IRAK1BP1: variants seen among roughly 807,000 people sequenced by gnomAD.
IRAK1BP1 encodes the protein interleukin-1 receptor-associated kinase 1-binding protein 1.
IRAK1BP1 carries 24 observed loss-of-function variants against 28.0 expected under a neutral mutation model. The observed-to-expected ratio is 0.86, with a 90% CI of 0.62 to 1.20. The LOEUF (loss-of-function observed/expected upper bound fraction) is 1.20, where lower values mean the gene tolerates loss of function less well. Ranked by LOEUF, IRAK1BP1 falls within the 50% of genes most tolerant of loss-of-function variation. The pLI, the probability that IRAK1BP1 is intolerant of heterozygous loss-of-function variation, is 0.00. For missense variants in IRAK1BP1, 336 were observed against 316.7 expected (o/e 1.06, Z -0.46); for synonymous variants, 131 against 116.3 (o/e 1.13, Z -0.81).
chr6:78,965,653 T>C, the IRAK1BP1 span: 1 of 1,013,968 alleles, frequency 9.9e-7, no homozygotes. Context: ...AATAATTTCT[T>C]AAGAAATTAA....
At chr6:78,952,815 C>T in the IRAK1BP1 span, among the ~76,000 whole-genome samples, 2 of 151,222 alleles carry the variant, frequency 1.3e-5, no homozygotes, top group African/African-American at 4.9e-5. Flanking sequence ...TTCATTTATT[C>T]CTTTAACCAA....
intron 4 of IRAK1BP1, among the ~76,000 whole-genome samples, chr6:78,942,513 A>C (rs539041641): frequency 2.0e-5 from 3 of 152,208 alleles, no homozygotes; most frequent in African/African-American, 7.2e-5. Flanking sequence ...ACAAAACAAC[A>C]TGGTTAAGAG....
At chr6:78,892,211 CTCTT>C (rs1375072712) in intron 2 of IRAK1BP1, among the ~76,000 whole-genome samples, 1 of 152,082 alleles carries the variant, frequency 6.6e-6, no homozygotes, top group Non-Finnish European at 1.5e-5. Flanking sequence ...ATGTAACAAA[CTCTT>C]TCTTTAGTTA....
chr6:78,930,684 C>T (rs1028220652), intron 4 of IRAK1BP1, among the ~76,000 whole-genome samples: 2 of 152,078 alleles, frequency 1.3e-5, no homozygotes, highest in African/African-American at 4.8e-5. Context: ...AATCCCAGCA[C>T]ACTTTGAGAG....
At chr6:78,957,336 G>A in the IRAK1BP1 span, 1 of 151,832 alleles carries the variant, frequency 6.6e-6, no homozygotes, top group African/African-American at 2.4e-5. Context: ...GTCTTCAGAG[G>A]ATAATGCTTA....
the IRAK1BP1 span, chr6:78,956,607 G>T: frequency 2.6e-5 from 4 of 152,036 alleles, no homozygotes; most frequent in Non-Finnish European, 5.9e-5. Flanking sequence ...CAGATTTATA[G>T]CACTGTATCT....
downstream of IRAK1BP1, among the ~76,000 whole-genome samples, chr6:78,903,470 G>A (rs147004839): frequency 8.5e-5 from 13 of 152,228 alleles, no homozygotes; most frequent in Admixed American, 3.9e-4. Flanking sequence ...CAGCTTGGGC[G>A]ACAGTGCGAG....
chr6:78,870,338 C>A (rs1770753448), intron 1 of IRAK1BP1, among the ~76,000 whole-genome samples: 1 of 151,960 alleles, frequency 6.6e-6, no homozygotes, highest in African/African-American at 2.4e-5. Context: ...TGCAACACTT[C>A]ACTCCCTATA....
chr6:78,907,821 G>A (rs1251811218), downstream of IRAK1BP1, among the ~76,000 whole-genome samples: 1 of 151,818 alleles, frequency 6.6e-6, no homozygotes, highest in African/African-American at 2.4e-5. Flanking sequence ...CCGGGTTCAA[G>A]CCATTCTTCT....
In IRAK1BP1 at chr6:78,898,310, A is replaced by G; in HGVS notation, c.759A>G (p.Lys253=). 2 of 1,579,344 alleles carry G rather than the reference A, an allele frequency of 1.3e-6. No individual in the cohort carries two copies. The highest frequency in any genetic ancestry group is 3.7e-5 in the Admixed American group (2 of 54,468). The change falls in exon 4 of 4, where the codon AAA becomes AAG. Residue 253 remains lysine (K), a synonymous_variant. Transcript: ENST00000369940. ...KVFITFEVKG[K]EKRKKHL is the part of the protein sequence containing the mutation. Reference sequence around the variant, plus strand: ...TTATAACTTTTGAGGTAAAGGGAAAAGAGAAGAGAAAAAAGCACCTTTGAA... The same window carrying G: ...TTATAACTTTTGAGGTAAAGGGAAAGGAGAAGAGAAAAAAGCACCTTTGAA...
At chr6:78,940,357 T>C (rs991406011) in intron 4 of IRAK1BP1, 6 of 151,664 alleles carry the variant, frequency 4.0e-5, no homozygotes, top group African/African-American at 1.5e-4. Context: ...TGTAGCAGAA[T>C]TGTCTTTTCT....
At chr6:78,927,692 T>C (rs1772929305) in intron 4 of IRAK1BP1, among the ~76,000 whole-genome samples, 3 of 152,146 alleles carry the variant, frequency 2.0e-5, no homozygotes. Flanking sequence ...CTTTAATGCA[T>C]TTTGATTTGA....
chr6:78,963,816 C>A, the IRAK1BP1 span, among the ~76,000 whole-genome samples: 97 of 152,250 alleles, frequency 6.4e-4, 1 homozygote, highest in South Asian at 8.1e-3. Flanking sequence ...AATCTAGAAA[C>A]GTGCTAGGTA....
the IRAK1BP1 span, among the ~76,000 whole-genome samples, chr6:78,974,834 ATC>A: frequency 6.6e-6 from 1 of 151,142 alleles, no homozygotes; most frequent in East Asian, 1.9e-4. Flanking sequence ...AAGAAGTTGA[ATC>A]TCTGAATAGA....
rs76324067 is a variant in IRAK1BP1 at position 78,909,766 on chromosome 6, A to G, written c.*67+6656A>G. ...TGGAGTTTATTTGGATCTTGATTCA[A>G]ACACGCTAAATCAACAAATATTTAT... is the stretch of plus-strand genomic sequence containing the variant. On this transcript the variant is annotated intron_variant and NMD_transcript_variant, in intron 4 of 4. Transcript: ENST00000606868. Among the ~76,000 whole-genome samples, 363 of 152,348 alleles carry G rather than the reference A, an allele frequency of 2.4e-3. 1 individual carries two copies. Among genetic ancestry groups the G allele is most frequent in the African/African-American group, 8.4e-3 (348 of 41,582 alleles).
intron 2 of IRAK1BP1, among the ~76,000 whole-genome samples, chr6:78,888,706 A>G (rs965665217): frequency 1.3e-5 from 2 of 151,972 alleles, no homozygotes; most frequent in Non-Finnish European, 2.9e-5. Flanking sequence ...GGATTTCACC[A>G]TGTTGGCCAG....
rs1772072309 is a variant in IRAK1BP1, at chr6:78,900,927, T to C, written c.*2593T>C. 4 of 152,310 alleles carry C rather than the reference T, an allele frequency of 2.6e-5. No homozygotes were observed. The South Asian group carries it at 6.2e-4, about 24-fold the overall frequency. 9.4% of individuals were successfully genotyped at this position (152,310 alleles called of 1,614,324 possible). ...CCAAATCCTCCATTAGGAAGAATTTTTAAATAGCCATATTGAAAATAAAGT... is the reference window on the plus strand; with the variant it reads ...CCAAATCCTCCATTAGGAAGAATTTCTAAATAGCCATATTGAAAATAAAGT... On this transcript the variant is annotated 3_prime_UTR_variant, in exon 4 of 4. Coordinates refer to ENST00000369940, the MANE Select transcript of IRAK1BP1 (RefSeq NM_001010844.4).
chr6:78,876,914 T>G (rs986514974), intron 1 of IRAK1BP1, among the ~76,000 whole-genome samples: 2 of 152,202 alleles, frequency 1.3e-5, no homozygotes, highest in South Asian at 4.1e-4. Context: ...TACTCTGTGT[T>G]GGAACCCACC....
Position 78,946,248 on chromosome 6 carries a change from T to C in IRAK1BP1, c.*908T>C, listed in dbSNP as rs758473437. 8 of 1,613,270 alleles carry C rather than the reference T, an allele frequency of 5.0e-6. No homozygotes were observed. In the East Asian group the frequency reaches 1.6e-4, roughly 31 times the overall value. ...TTAGCTGGGGTTTTAAGATCCTTTT[T>C]TTCCTTTCAGGGCTGTAAATAAAAT... On this transcript the variant is annotated 3_prime_UTR_variant and NMD_transcript_variant, in exon 5 of 5. Transcript: ENST00000606868.
Sources: gnomAD v4.1 joint callset for allele counts (sites outside exome capture counted in the v4.1 genomes callset) on GRCh38, gnomAD v4.1.1 for gene constraint, MANE v1.5 for transcripts, NCBI Gene and HGNC (gene_info 2026-07-23, HGNC 2026-07-21) for gene names.